Variants in VTI1A observed in about 807,000 individuals in gnomAD.
The protein encoded by VTI1A is vesicle transport through interaction with t-SNAREs 1A.
VTI1A carries 22 observed loss-of-function variants against 34.9 expected under a neutral mutation model. The ratio of observed to expected loss-of-function variants is 0.63; its 90% CI spans 0.45 to 0.90. The LOEUF is 0.90. Ranked by LOEUF, VTI1A falls within the 40% of genes least tolerant of loss-of-function variation. The pLI, the probability that VTI1A is intolerant of heterozygous loss-of-function variation, is 0.00. For synonymous variants in VTI1A, 87 were observed against 97.3 expected (o/e 0.89, Z 0.62); for missense variants, 268 against 275.6 (o/e 0.97, Z 0.20).
At chr10:112,704,984 G>A (rs930135286) in intron 7 of VTI1A, among the ~76,000 whole-genome samples, 1 of 152,034 alleles carries the variant, frequency 6.6e-6, no homozygotes, top group African/African-American at 2.4e-5. Context: ...CAATTCCTGG[G>A]CTCAAACAAT....
intron 3 of VTI1A, among the ~76,000 whole-genome samples, chr10:112,482,204 ATATAT>A (rs1224091997): frequency 1.5e-4 from 23 of 152,340 alleles, no homozygotes; most frequent in East Asian, 1.9e-4. Context: ...TTTTAACATA[ATATAT>A]TGATGAAAGA....
chr10:112,452,322 C>A (rs1417940032), intron 1 of VTI1A, among the ~76,000 whole-genome samples: 2 of 152,124 alleles, frequency 1.3e-5, no homozygotes, highest in Non-Finnish European at 2.9e-5. Flanking sequence ...GTAATCTCAG[C>A]ACTTTGGGAG....
the VTI1A span, among the ~76,000 whole-genome samples, chr10:112,847,755 G>A: frequency 1.3e-5 from 2 of 152,176 alleles, no homozygotes; most frequent in Non-Finnish European, 2.9e-5. Flanking sequence ...CATTCACCAT[G>A]CCAAATGAGA....
chr10:112,772,484 T>A (rs1403234963), intron 7 of VTI1A, among the ~76,000 whole-genome samples: 1 of 152,230 alleles, frequency 6.6e-6, no homozygotes, highest in Admixed American at 6.5e-5. Flanking sequence ...GTTCTCCTAT[T>A]CTACAGCGTG....
intron 1 of VTI1A, chr10:112,449,998 A>G (rs1432530274): frequency 1.3e-5 from 2 of 151,904 alleles, no homozygotes; most frequent in African/African-American, 4.8e-5. Context: ...CTCACGGCTC[A>G]AGTCTACTCC....
intron 7 of VTI1A, among the ~76,000 whole-genome samples, chr10:112,738,758 C>T (rs1288337870): frequency 1.3e-5 from 2 of 152,130 alleles, no homozygotes; most frequent in African/African-American, 2.4e-5. Context: ...GGGCTGTCCT[C>T]TATTAAGAAG....
intron 5 of VTI1A, among the ~76,000 whole-genome samples, chr10:112,651,485 A>G (rs1847014975): frequency 6.6e-6 from 1 of 151,940 alleles, no homozygotes. Context: ...TAATTTTTGT[A>G]TTTTTGGTAG....
chr10:112,851,832 A>G, the VTI1A span, among the ~76,000 whole-genome samples: 2 of 152,168 alleles, frequency 1.3e-5, no homozygotes, highest in Non-Finnish European at 2.9e-5. Context: ...ACCACACTTC[A>G]TATGATAATG....
At chr10:112,548,858 C>A (rs892311544) in intron 5 of VTI1A, 5 of 1,442,128 alleles carry the variant, frequency 3.5e-6, no homozygotes, top group Non-Finnish European at 4.7e-6. Flanking sequence ...AGCTTTTTAC[C>A]GGAACGGTGA....
At chr10:112,470,895 A>G (rs1300056942) in intron 3 of VTI1A, among the ~76,000 whole-genome samples, 1 of 152,160 alleles carries the variant, frequency 6.6e-6, no homozygotes, top group Non-Finnish European at 1.5e-5. Flanking sequence ...GTCAAAAAAT[A>G]AAATAAAATA....
At chr10:112,781,669 C>A (rs948656776) in intron 7 of VTI1A, among the ~76,000 whole-genome samples, 2 of 151,866 alleles carry the variant, frequency 1.3e-5, no homozygotes, top group African/African-American at 4.8e-5. Flanking sequence ...GGTGAAACCC[C>A]GCCTCTACTA....
intron 3 of VTI1A, among the ~76,000 whole-genome samples, chr10:112,470,356 G>C (rs903556788): frequency 2.0e-5 from 3 of 152,156 alleles, no homozygotes; most frequent in African/African-American, 7.2e-5. Context: ...TATTGTGTGC[G>C]TAAGTACAGG....
At chr10:112,742,994 T>C (rs1850746787) in intron 7 of VTI1A, among the ~76,000 whole-genome samples, 1 of 151,244 alleles carries the variant, frequency 6.6e-6, no homozygotes, top group African/African-American at 2.4e-5. Context: ...ATGTTGTTGA[T>C]TTAGCTGGGA....
At chr10:112,548,969 C>A in intron 5 of VTI1A, 1 of 654,112 alleles carries the variant, frequency 1.5e-6, no homozygotes, top group South Asian at 1.9e-5. Flanking sequence ...TCTTTCTTCT[C>A]TTCTTCTCCT....
At position 112,667,609 on chromosome 10, in the gene VTI1A, A is replaced by G. The variant is rs140112427; in HGVS notation, c.428-609A>G. 1.7e-4 allele frequency among the ~76,000 whole-genome samples: 26 copies of G among 152,308 alleles called. 1 individual carries two copies. The highest frequency in any genetic ancestry group is 6.0e-4 in the African/African-American group (25 of 41,574). ...CTGTCTCCAGCATGAGCTCTCTTCA[A>G]CTACTTGAGAAGAAATGCACCTCAC... On this transcript the variant is annotated intron_variant, in intron 5 of 7. Coordinates refer to ENST00000393077, the MANE Select transcript of VTI1A (RefSeq NM_145206.4).
chr10:112,455,104 A>G (rs1227530804), intron 1 of VTI1A, among the ~76,000 whole-genome samples: 2 of 148,808 alleles, frequency 1.3e-5, no homozygotes, highest in African/African-American at 2.5e-5. Flanking sequence ...CAGGTTACCA[A>G]AACTTCGTGT....
chr10:112,508,152 C>T (rs568593583), intron 3 of VTI1A, among the ~76,000 whole-genome samples: 8 of 152,316 alleles, frequency 5.3e-5, no homozygotes, highest in African/African-American at 1.7e-4. Context: ...TCTGAACAAA[C>T]CGTTTCTAGG....
At chr10:112,744,422 T>C (rs546600889) in intron 7 of VTI1A, among the ~76,000 whole-genome samples, 3 of 151,904 alleles carry the variant, frequency 2.0e-5, no homozygotes, top group East Asian at 1.9e-4. Flanking sequence ...ATGGAACATA[T>C]GGCATATGCT....
intron 5 of VTI1A, among the ~76,000 whole-genome samples, chr10:112,645,325 T>C (rs918530157): frequency 2.0e-5 from 3 of 152,190 alleles, no homozygotes; most frequent in African/African-American, 7.2e-5. Context: ...AGTTACTCAT[T>C]ATGGGGTGTA....
Sources: allele counts gnomAD v4.1 joint callset (sites outside exome capture counted in the v4.1 genomes callset), GRCh38; gene constraint gnomAD v4.1.1; transcripts MANE v1.5; gene names NCBI Gene and HGNC (gene_info 2026-07-23, HGNC 2026-07-21).